TNRC6B: variants seen among roughly 807,000 people sequenced by gnomAD.
TNRC6B encodes trinucleotide repeat-containing gene 6B protein.
Under a neutral mutation model 203.6 loss-of-function variants are expected in TNRC6B, and 52 were observed. That is an observed-to-expected ratio of 0.26 (90% confidence interval 0.20 to 0.32). The LOEUF is 0.32. Ranked by LOEUF, TNRC6B falls within the 10% of genes least tolerant of loss-of-function variation. The probability of loss-of-function intolerance (pLI) is 1.00; values close to 1 mark genes in which losing one functional copy is unlikely to be tolerated. For missense variants in TNRC6B, 1,923 were observed against 2,286.2 expected (o/e 0.84, Z 3.24); for synonymous variants, 838 against 845.7 (o/e 0.99, Z 0.16).
intron 13 of TNRC6B, 35 bp downstream of exon 13, chr22:40,300,621 G>T (rs1360665059): frequency 1.3e-6 from 2 of 1,581,444 alleles, no homozygotes; most frequent in South Asian, 1.2e-5. Context: ...GGCTAAAAAG[G>T]TCATTTGCTT....
Position 40,276,838 on chromosome 22 carries a change from G to A in TNRC6B, c.3142-239G>A, listed in dbSNP as rs973109160. The A allele has an allele frequency of 1.2e-5, 4 of 345,092 alleles. No homozygotes were observed. The South Asian group carries it at 3.8e-4, about 33-fold the overall frequency. The allele number at this position is 345,092 out of a possible 1,614,324, so 21.4% of individuals were successfully genotyped here. Reference sequence around the variant, plus strand: ...TTTGAAAAGCAAAAGTACCAGCTGAGCATGTATTTTTCCAGTTACTTCTGG... The same window carrying A: ...TTTGAAAAGCAAAAGTACCAGCTGAACATGTATTTTTCCAGTTACTTCTGG... On this transcript the variant is annotated intron_variant, in intron 7 of 22. Coordinates refer to ENST00000454349, the MANE Select transcript of TNRC6B (RefSeq NM_001162501.2).
chr22:40,215,585 C>T (rs1165174264), intron 1 of TNRC6B, among the ~76,000 whole-genome samples: 1 of 152,198 alleles, frequency 6.6e-6, no homozygotes, highest in East Asian at 1.9e-4. Flanking sequence ...ACTTGGAGGT[C>T]CATCTTCGCT....
rs1215656179 is a variant in TNRC6B, at chr22:40,140,829, T to C, written c.45+14967T>C. Among the ~76,000 whole-genome samples, 4 of 152,086 alleles carry C rather than the reference T, an allele frequency of 2.6e-5. No homozygotes were observed. In the East Asian group the frequency reaches 7.8e-4, roughly 29 times the overall value. On this transcript the variant is annotated intron_variant, in intron 3 of 23. Coordinates refer to the TNRC6B transcript ENST00000301923. ...CTAATTTTTGTATTTTTAGTAGAGA[T>C]GGGGTTTCACCATATTGGCCAGGCT...
At chr22:40,286,136 A>G (rs537444026) in intron 12 of TNRC6B, among the ~76,000 whole-genome samples, 46 of 152,324 alleles carry the variant, frequency 3.0e-4, no homozygotes, top group African/African-American at 9.6e-4. Context: ...TGATGTGTCA[A>G]TGTTCAGAGG....
chr22:40,331,163 T>G lies in TNRC6B; in HGVS notation c.*7922T>G, dbSNP rs1453788617. The stretch of plus-strand genomic sequence containing the variant: ...GAGCGGGCAGCACGCTTTTACCCTT[T>G]GAGTCTGTGTCCTGAGGCGGCCATT... On this transcript the variant is annotated 3_prime_UTR_variant, in exon 23 of 23. Transcript: ENST00000454349. The G allele has an allele frequency of 6.6e-6, 1 of 152,668 alleles. No homozygotes were observed. Among genetic ancestry groups the G allele is most frequent in the Non-Finnish European group, 1.5e-5 (1 of 68,060 alleles). 9.5% of individuals were successfully genotyped at this position (152,668 alleles called of 1,614,324 possible). A position where few individuals can be genotyped will look rare whatever the true frequency, so the allele number is the denominator to read the frequency against.
intron 1 of TNRC6B, among the ~76,000 whole-genome samples, chr22:40,194,035 G>A (rs568082815): frequency 6.6e-6 from 1 of 152,332 alleles, no homozygotes; most frequent in East Asian, 1.9e-4. Context: ...GAGGTTGCGT[G>A]AGGATAGGCT....
intron 1 of TNRC6B, among the ~76,000 whole-genome samples, chr22:40,218,351 G>A (rs1189700718): frequency 1.8e-5 from 2 of 109,160 alleles, no homozygotes; most frequent in Non-Finnish European, 3.6e-5. Context: ...TTTTGAGACA[G>A]GGTGTTACTC....
In TNRC6B at chr22:40,329,365, G is replaced by A. The variant is rs1056038615; in HGVS notation, c.*6124G>A. 5 of 152,118 alleles carry A rather than the reference G, an allele frequency of 3.3e-5. No individual in the cohort carries two copies. Among genetic ancestry groups the A allele is most frequent in the East Asian group, 1.9e-4 (1 of 5,200 alleles). The allele number at this position is 152,118 out of a possible 1,614,324, so 9.4% of individuals were successfully genotyped here. ...AGTGCAGACCCTGTGATAACAGTCT[G>A]TGGGTTTGTGGCCAGCGCCAAAGGT... On this transcript the variant is annotated 3_prime_UTR_variant, in exon 23 of 23. Coordinates refer to ENST00000454349, the MANE Select transcript of TNRC6B (RefSeq NM_001162501.2).
rs545810374 is a variant in TNRC6B at position 40,110,281 on chromosome 22, C to T, written c.-120-6774C>T. Among the ~76,000 whole-genome samples, 6 of 152,328 alleles carry T rather than the reference C, an allele frequency of 3.9e-5. No individual in the cohort carries two copies. The South Asian group carries it at 1.2e-3, about 32-fold the overall frequency. On this transcript the variant is annotated intron_variant, in intron 1 of 23. Coordinates refer to the TNRC6B transcript ENST00000301923. ...AACCCAGTTAACATATTTATTACCT[C>T]TAATCTGCTTAATTCTTATGTGACC... is the stretch of plus-strand genomic sequence containing the variant.
At chr22:40,281,933 TCCTCA>T (rs758139798) in intron 11 of TNRC6B, among the ~76,000 whole-genome samples, 18 of 152,148 alleles carry the variant, frequency 1.2e-4, no homozygotes, top group Non-Finnish European at 1.9e-4. Context: ...GGATCATGCC[TCCTCA>T]CCTTGCCAGG....
intron 1 of TNRC6B, among the ~76,000 whole-genome samples, chr22:40,241,390 C>T (rs1028738467): frequency 2.6e-5 from 4 of 152,200 alleles, no homozygotes; most frequent in African/African-American, 9.7e-5. Context: ...TGAGATTTGC[C>T]GCACATTGCA....
chr22:40,138,396 G>A (rs1290193918), intron 3 of TNRC6B, among the ~76,000 whole-genome samples: 16 of 152,158 alleles, frequency 1.1e-4, no homozygotes, highest in Non-Finnish European at 2.9e-5. Context: ...CTCTTGAGTA[G>A]CTGGGATTAC....
chr22:40,227,407 C>T (rs976520022), intron 1 of TNRC6B, among the ~76,000 whole-genome samples: 8 of 141,100 alleles, frequency 5.7e-5, no homozygotes, highest in African/African-American at 2.1e-4. Context: ...GCTCTGTTGC[C>T]CAGGCTGGAG....
rs897199259 is a variant in TNRC6B at position 40,324,102 on chromosome 22, T to C, written c.*861T>C. On this transcript the variant is annotated 3_prime_UTR_variant, in exon 23 of 23. Coordinates refer to ENST00000454349, the MANE Select transcript of TNRC6B (RefSeq NM_001162501.2). ...AGCCACTGCTACTAAAGCAACTCCATTGGGCTGCATTAAGATGAACAGAGT... is the reference window on the plus strand; with the variant it reads ...AGCCACTGCTACTAAAGCAACTCCACTGGGCTGCATTAAGATGAACAGAGT... 1.3e-5 allele frequency: 2 copies of C among 152,574 alleles called. No individual in the cohort carries two copies. Among genetic ancestry groups the C allele is most frequent in the Non-Finnish European group, 1.5e-5 (1 of 68,016 alleles). The allele number at this position is 152,574 out of a possible 1,614,324, so 9.5% of individuals were successfully genotyped here.
At chr22:40,061,584 T>G (rs1010836158) in intron 1 of TNRC6B, among the ~76,000 whole-genome samples, 4 of 152,008 alleles carry the variant, frequency 2.6e-5, no homozygotes, top group Non-Finnish European at 5.9e-5. Context: ...TTTACTAGTT[T>G]GCTGTTACTT....
At chr22:40,074,934 G>A (rs2067992615) in intron 1 of TNRC6B, among the ~76,000 whole-genome samples, 1 of 151,952 alleles carries the variant, frequency 6.6e-6, no homozygotes, top group African/African-American at 2.4e-5. Context: ...CTCCAGCGTA[G>A]GCAACAGAGC....
chr22:40,089,896 C>A (rs1365987651), intron 1 of TNRC6B, among the ~76,000 whole-genome samples: 1 of 152,160 alleles, frequency 6.6e-6, no homozygotes, highest in Non-Finnish European at 1.5e-5. Flanking sequence ...TTTACTGTCT[C>A]CGTAGATTTT....
chr22:40,084,318 A>G (rs1286270612), intron 1 of TNRC6B, among the ~76,000 whole-genome samples: 1 of 152,192 alleles, frequency 6.6e-6, no homozygotes, highest in African/African-American at 2.4e-5. Context: ...ATTTGGTGAC[A>G]CAAGATGAGC....
At chr22:40,151,981 A>G (rs2068761492) in intron 3 of TNRC6B, among the ~76,000 whole-genome samples, 1 of 152,156 alleles carries the variant, frequency 6.6e-6, no homozygotes, top group Admixed American at 6.6e-5. Flanking sequence ...CTGTCAAATA[A>G]GTAGAGAAAA....
Sources: gnomAD v4.1 joint callset for allele counts (sites outside exome capture counted in the v4.1 genomes callset) on GRCh38, gnomAD v4.1.1 for gene constraint, MANE v1.5 for transcripts, NCBI Gene and HGNC (gene_info 2026-07-23, HGNC 2026-07-21) for gene names.